Variants in FOXN4 observed in about 807,000 individuals in gnomAD.
The protein encoded by FOXN4 is forkhead box N4, also known as forkhead box protein N4.
Under a neutral mutation model 45.0 loss-of-function variants are expected in FOXN4, and 12 were observed. The observed-to-expected ratio is 0.27, with a 90% CI of 0.17 to 0.43. FOXN4 has a LOEUF of 0.43. Among genes scored for constraint, FOXN4 ranks in the 20% least tolerant of loss-of-function variants. The probability of loss-of-function intolerance (pLI) is 1.00; values close to 1 mark genes in which losing one functional copy is unlikely to be tolerated. For missense variants in FOXN4, 560 were observed against 694.9 expected (o/e 0.81, Z 2.18); for synonymous variants, 297 against 295.0 (o/e 1.01, Z -0.07).
chr12:109,302,575 C>T (rs1313551770), intron 2 of FOXN4, among the ~76,000 whole-genome samples: 3 of 152,220 alleles, frequency 2.0e-5, no homozygotes, highest in African/African-American at 7.2e-5. Context: ...TAATAATTCT[C>T]ACCACAGGGG....
intron 2 of FOXN4, among the ~76,000 whole-genome samples, chr12:109,307,190 C>T (rs376137070): frequency 4.6e-5 from 7 of 152,202 alleles, no homozygotes; most frequent in African/African-American, 1.7e-4. Flanking sequence ...TTGCGGGCTG[C>T]GGTCTGTCCC....
At chr12:109,293,998 C>T (rs1358791073) in intron 2 of FOXN4, among the ~76,000 whole-genome samples, 2 of 152,158 alleles carry the variant, frequency 1.3e-5, no homozygotes, top group Admixed American at 6.5e-5. Flanking sequence ...TGTTTATAAG[C>T]GAGGCAGTCA....
chr12:109,280,854 C>A (rs570649201), intron 9 of FOXN4, among the ~76,000 whole-genome samples: 2 of 152,192 alleles, frequency 1.3e-5, no homozygotes, highest in Non-Finnish European at 2.9e-5. Flanking sequence ...GATGATCATG[C>A]GGCAAGGCAG....
rs2047769942 is a variant in FOXN4 at position 109,291,707 on chromosome 12, T to G, written c.87-1421A>C. ...GGGCCCTGGGCCCACAAAGCTGGCATCAGGTGACTGCCTGGCTGCCCCCGC... is the reference window on the plus strand; with the variant it reads ...GGGCCCTGGGCCCACAAAGCTGGCAGCAGGTGACTGCCTGGCTGCCCCCGC... On this transcript the variant is annotated intron_variant, in intron 2 of 9. Transcript: ENST00000299162. This position sits in a 1 kb window ranked among gnomAD's most constrained non-coding sequence, Gnocchi z 6.6. Among the ~76,000 whole-genome samples, 2 of 151,938 alleles carry G rather than the reference T, an allele frequency of 1.3e-5. No homozygotes were observed. Among genetic ancestry groups the G allele is most frequent in the African/African-American group, 4.8e-5 (2 of 41,362 alleles).
intron 2 of FOXN4, among the ~76,000 whole-genome samples, chr12:109,294,328 G>A (rs1283040614): frequency 6.6e-6 from 1 of 152,196 alleles, no homozygotes; most frequent in Admixed American, 6.5e-5. Flanking sequence ...CCTTGGACAA[G>A]TCACTGCAGG....
chr12:109,308,743 T>C (rs757793035), intron 1 of FOXN4, among the ~76,000 whole-genome samples: 2 of 152,148 alleles, frequency 1.3e-5, no homozygotes, highest in African/African-American at 4.8e-5. Flanking sequence ...TGTATTTCTC[T>C]GGGGGAACAA....
chr12:109,281,526 G>C lies in FOXN4; in HGVS notation c.1175C>G (p.Pro392Arg). 1 of 1,613,788 alleles carries C rather than the reference G, an allele frequency of 6.2e-7. No homozygotes were observed. The highest frequency in any genetic ancestry group is 1.1e-5 in the South Asian group (1 of 91,034). The change falls in exon 9 of 10, where the codon CCC becomes CGC. Residue 392 changes from proline to arginine, a missense_variant. Transcript: ENST00000299162. ...CATGGCGGGGTGGGGGAGCGGGCTG[G>C]GGCTGAGGTCCGGCAGGGCGTGCAG... ...PPLHALPDLS[P>R]SPLPHPAMGR...
chr12:109,302,708 T>A (rs1393546632), intron 2 of FOXN4, among the ~76,000 whole-genome samples: 3 of 152,038 alleles, frequency 2.0e-5, no homozygotes, highest in Non-Finnish European at 4.4e-5. Flanking sequence ...TTAGGAGGGG[T>A]CTGCCTGACA....
In FOXN4 at chr12:109,286,111, AT is replaced by A. The variant is rs2047707810; in HGVS notation, c.693+536del. ...GTGTGCACACACACTGTACTGCAGT[AT>A]TTTTGCTAAGGACACTGTCCAATCC... On this transcript the variant is annotated intron_variant, in intron 7 of 9. Coordinates refer to ENST00000299162, the MANE Select transcript of FOXN4 (RefSeq NM_213596.3). Among the ~76,000 whole-genome samples the A allele has an allele frequency of 7.9e-5, 12 of 152,266 alleles. No individual in the cohort carries two copies. The South Asian group carries it at 2.5e-3, about 32-fold the overall frequency.
chr12:109,304,288 AAAG>A lies in FOXN4; in HGVS notation c.86+3945_86+3947del, dbSNP rs1189958892. 2.8e-4 allele frequency among the ~76,000 whole-genome samples: 14 copies of A among 50,722 alleles called. 1 individual carries two copies. The highest frequency in any genetic ancestry group is 1.2e-3 in the African/African-American group (14 of 11,214). The allele number at this position is 50,722 out of a possible 152,430, so 33.3% of individuals were successfully genotyped here. On this transcript the variant is annotated intron_variant, in intron 2 of 9. Coordinates refer to ENST00000299162, the MANE Select transcript of FOXN4 (RefSeq NM_213596.3). The stretch of plus-strand genomic sequence containing the variant: ...GAAAGAAAGAAAGAAAGAAAGAAAG[AAAG>A]AAAGGAGAAAGAAAGAAGGAAAGAA...
At chr12:109,296,224 C>T (rs907513735) in intron 2 of FOXN4, among the ~76,000 whole-genome samples, 1 of 152,230 alleles carries the variant, frequency 6.6e-6, no homozygotes, top group African/African-American at 2.4e-5. Context: ...CCCCCAGCCT[C>T]AGGTGGTTCC....
chr12:109,280,342 C>CAAAAAA (rs34879457), intron 9 of FOXN4, among the ~76,000 whole-genome samples: 3 of 53,552 alleles, frequency 5.6e-5, no homozygotes, highest in African/African-American at 7.5e-5. Flanking sequence ...GACTCCACCT[C>CAAAAAA]AAAAAAAAAA....
chr12:109,285,828 T>C (rs1206397775), intron 7 of FOXN4, among the ~76,000 whole-genome samples: 3 of 151,672 alleles, frequency 2.0e-5, no homozygotes, highest in African/African-American at 7.3e-5. Context: ...ATGATGCCAA[T>C]AAATGGATAA....
intron 2 of FOXN4, among the ~76,000 whole-genome samples, chr12:109,308,035 T>C (rs2047937080): frequency 1.3e-5 from 2 of 152,114 alleles, no homozygotes; most frequent in Non-Finnish European, 2.9e-5. Flanking sequence ...ACAGCAGGCA[T>C]TTCGTGGTCC....
Position 109,296,881 on chromosome 12 carries a change from C to T in FOXN4, c.87-6595G>A, listed in dbSNP as rs143336302. Among the ~76,000 whole-genome samples the T allele has an allele frequency of 2.2e-3, 333 of 152,352 alleles. 1 individual carries two copies. The highest frequency in any genetic ancestry group is 7.3e-3 in the African/African-American group (303 of 41,578). ...ATGGGGTGGACAAGCCCCTGGTGTG[C>T]GCCCAGCCCTGAGCTAAAGCCACTT... On this transcript the variant is annotated intron_variant, in intron 2 of 9. Transcript: ENST00000299162.
chr12:109,280,144 G>A (rs1209422424), intron 9 of FOXN4, among the ~76,000 whole-genome samples: 2 of 151,962 alleles, frequency 1.3e-5, no homozygotes, highest in East Asian at 3.9e-4. Context: ...GGAGTTCAAC[G>A]CCAGCCTGGC....
Position 109,287,635 on chromosome 12 carries a change from G to T in FOXN4, c.469-111C>A. On this transcript the variant is annotated intron_variant, in intron 5 of 9. Coordinates refer to ENST00000299162, the MANE Select transcript of FOXN4 (RefSeq NM_213596.3). This position sits in a 1 kb window ranked among gnomAD's most constrained non-coding sequence, Gnocchi z 4.1. ...CCACCCCAGTTTCAAAACACCTTGT[G>T]TGGGGATTCACAACCGTCCAGGAAA... 1 of 1,373,556 alleles carries T rather than the reference G, an allele frequency of 7.3e-7. No homozygotes were observed. Among genetic ancestry groups the T allele is most frequent in the Non-Finnish European group, 9.7e-7 (1 of 1,030,192 alleles). 85.1% of individuals were successfully genotyped at this position (1,373,556 alleles called of 1,614,324 possible). A position where few individuals can be genotyped will look rare whatever the true frequency, so the allele number is the denominator to read the frequency against.
Position 109,290,144 on chromosome 12 carries a change from G to C in FOXN4, c.229C>G (p.Pro77Ala). 1 of 1,546,182 alleles carries C rather than the reference G, an allele frequency of 6.5e-7. No homozygotes were observed. Among genetic ancestry groups the C allele is most frequent in the Non-Finnish European group, 8.7e-7 (1 of 1,144,102 alleles). Reference protein sequence around the residue: ...LGGPCVPHPHPGALAGVADLH... With the variant: ...LGGPCVPHPHAGALAGVADLH... The stretch of plus-strand genomic sequence containing the variant: ...CCTACCTTGTCCCTGAGCCTACCTG[G>C]GTGTGGATGTGGCACGCAGGGGCCA... Residue 77 changes from proline to alanine, a missense_variant, in exon 3 of 10, where the codon CCA becomes GCA. By Grantham distance (27) the Pro-to-Ala change is conservative. This residue lies in a region of FOXN4 where 142 missense variants were observed against 185.7 expected (regional missense o/e 0.76). Transcript: ENST00000299162. The surrounding 1 kb of genome is among the most constrained non-coding windows in gnomAD (Gnocchi z 5.1).
At chr12:109,296,720 T>C (rs939150754) in intron 2 of FOXN4, among the ~76,000 whole-genome samples, 1 of 152,108 alleles carries the variant, frequency 6.6e-6, no homozygotes, top group South Asian at 2.1e-4. Context: ...AAACTCCCAG[T>C]GCCCAGCACA....
Sources: allele counts gnomAD v4.1 joint callset (sites outside exome capture counted in the v4.1 genomes callset), GRCh38; gene constraint gnomAD v4.1.1; regional missense constraint gnomAD v4.1.1; non-coding constraint Gnocchi (gnomAD v3.1); transcripts MANE v1.5; gene names NCBI Gene and HGNC (gene_info 2026-07-23, HGNC 2026-07-21).